The following MVB12A variants were observed in gnomAD, a reference collection of about 807,000 sequenced individuals.
MVB12A encodes multivesicular body subunit 12A.
MVB12A carries 30 observed loss-of-function variants against 34.3 expected under a neutral mutation model. The ratio of observed to expected loss-of-function variants is 0.88; its 90% CI spans 0.65 to 1.19. MVB12A has a LOEUF of 1.19. MVB12A is among the 50% of genes most tolerant of loss of function. The pLI, the probability that MVB12A is intolerant of heterozygous loss-of-function variation, is 0.00. For missense variants in MVB12A, 355 were observed against 369.2 expected, an observed-to-expected ratio of 0.96 and a Z score of 0.31; for synonymous variants, 158 against 158.9, an observed-to-expected ratio of 0.99 and a Z score of 0.04.
upstream of MVB12A, chr19:17,417,792 A>G (rs905424611): frequency 1.1e-5 from 3 of 265,266 alleles, no homozygotes; most frequent in Non-Finnish European, 8.0e-6. Flanking sequence ...TTGCCATTTC[A>G]TCAAATTTGG....
In MVB12A at chr19:17,425,185, G is replaced by A; in HGVS notation, c.*192G>A. 1 of 545,528 alleles carries A rather than the reference G, an allele frequency of 1.8e-6. No individual in the cohort carries two copies. The highest frequency in any genetic ancestry group is 3.2e-6 in the Non-Finnish European group (1 of 309,686). The allele number at this position is 545,528 out of a possible 1,614,324, so 33.8% of individuals were successfully genotyped here. On this transcript the variant is annotated 3_prime_UTR_variant, in exon 9 of 9. Coordinates refer to ENST00000317040, the MANE Select transcript of MVB12A (RefSeq NM_138401.4). ...AGGAGGGGGCGGGTCGAGGCTGCGT[G>A]GTGATGGGGTCTCCGCCCCCACGCC... is the stretch of plus-strand genomic sequence containing the variant.
rs768121736 is a variant in MVB12A, at chr19:17,425,042, GCCTGGGGCCACCCCCCCTCACTGCAT to G, written c.*65_*90del. 1.9e-4 allele frequency: 198 copies of G among 1,027,404 alleles called. No homozygotes were observed. The highest frequency in any genetic ancestry group is 1.9e-4 in the South Asian group (13 of 68,718). The allele number at this position is 1,027,404 out of a possible 1,614,324, so 63.6% of individuals were successfully genotyped here. The stretch of plus-strand genomic sequence containing the variant: ...GCCCCCTTACTCCACCTCCCCGCCA[GCCTGGGGCCACCCCCCCTCACTGCAT>G]CCTGGGGCCACCCCCACTCACTGCA... On this transcript the variant is annotated 3_prime_UTR_variant, in exon 9 of 9. Coordinates refer to ENST00000317040, the MANE Select transcript of MVB12A (RefSeq NM_138401.4).
At chr19:17,417,213 CTTTTTTTTTTTTT>C, upstream of MVB12A, 38 of 93,512 alleles carry the variant, frequency 4.1e-4, no homozygotes, top group South Asian at 1.6e-3. Context: ...TCACCCAGAG[CTTTTTTTTTTTTT>C]TTTTTTTTTT....
intron 2 of MVB12A, among the ~76,000 whole-genome samples, chr19:17,412,205 C>T (rs1469691703): frequency 6.6e-6 from 1 of 152,212 alleles, no homozygotes; most frequent in Non-Finnish European, 1.5e-5. Context: ...CAAATTCCAT[C>T]ATGGCGAACC....
chr19:17,419,857 G>A (rs549110815), upstream of MVB12A: 2 of 304,724 alleles, frequency 6.6e-6, no homozygotes, highest in East Asian at 1.1e-4. Flanking sequence ...CATTTCCGGC[G>A]GAAGTTGCTG....
upstream of MVB12A, chr19:17,417,108 T>TA (rs549305670): frequency 1.9e-3 from 660 of 353,586 alleles, 3 homozygotes; most frequent in African/African-American, 0.013. Flanking sequence ...CCTTTCAACT[T>TA]ACAGTCAGCA....
chr19:17,421,248 G>A (rs934042572), intron 3 of MVB12A: 8 of 362,216 alleles, frequency 2.2e-5, no homozygotes, highest in Non-Finnish European at 4.3e-5. Context: ...GCAATGGCGC[G>A]ATCTCAGCTC....
intron 2 of MVB12A, chr19:17,414,483 T>C (rs1413847078): frequency 6.6e-6 from 1 of 152,282 alleles, no homozygotes; most frequent in Non-Finnish European, 1.5e-5. Flanking sequence ...CTTAACCCAC[T>C]GCAGATATTT....
At chr19:17,409,000 T>A (rs2074746712) in intron 2 of MVB12A, among the ~76,000 whole-genome samples, 1 of 149,632 alleles carries the variant, frequency 6.7e-6, no homozygotes, top group African/African-American at 2.5e-5. Context: ...GGCTACTTTT[T>A]GCATTTTTAG....
At chr19:17,420,015 G>GCTGGGGCCC, upstream of MVB12A, 4 of 221,198 alleles carry the variant, frequency 1.8e-5, no homozygotes, top group East Asian at 8.1e-5. Flanking sequence ...GGCAATCTCC[G>GCTGGGGCCC]CCCCCCCCCC....
At chr19:17,417,860 C>A, upstream of MVB12A, 1 of 323,544 alleles carries the variant, frequency 3.1e-6, no homozygotes, top group Non-Finnish European at 6.2e-6. Flanking sequence ...GAAAATTCTG[C>A]AAAATTGACA....
intron 2 of MVB12A, among the ~76,000 whole-genome samples, chr19:17,410,496 T>TTATATATGTGTGTATATATATATA (rs1568387298): frequency 1.3e-4 from 4 of 31,512 alleles, no homozygotes; most frequent in Non-Finnish European, 2.3e-4. Context: ...GGTTTTAGCT[T>TTATATATGTGTGTATATATATATA]CATATATATA....
chr19:17,423,191 TAA>T (rs895549170), intron 4 of MVB12A, among the ~76,000 whole-genome samples: 2,268 of 106,602 alleles, frequency 0.021, 84 homozygotes, highest in African/African-American at 0.077. Context: ...CGTTTCTACT[TAA>T]AAAAAAAAAA....
At chr19:17,420,823 G>T in intron 3 of MVB12A, 189 bp downstream of exon 3, 1 of 643,324 alleles carries the variant, frequency 1.6e-6, no homozygotes, top group South Asian at 1.8e-5. Context: ...TTCAAAATGT[G>T]TGATATGATT....
In MVB12A at chr19:17,425,252, A is replaced by C; in HGVS notation, c.*259A>C. On this transcript the variant is annotated 3_prime_UTR_variant, in exon 9 of 9. Coordinates refer to ENST00000317040, the MANE Select transcript of MVB12A (RefSeq NM_138401.4). ...GAGCTGGACAGAAGCCAGTGCCTTT[A>C]AGTCATTTGTGTCAAAACCCTCTGG... 2 of 476,278 alleles carry C rather than the reference A, an allele frequency of 4.2e-6. No homozygotes were observed. The highest frequency in any genetic ancestry group is 3.7e-6 in the Non-Finnish European group (1 of 269,828). The allele number at this position is 476,278 out of a possible 1,614,324, so 29.5% of individuals were successfully genotyped here. A position where few individuals can be genotyped will look rare whatever the true frequency, so the allele number is the denominator to read the frequency against.
chr19:17,411,172 T>C (rs1282286018), intron 2 of MVB12A, among the ~76,000 whole-genome samples: 1 of 151,544 alleles, frequency 6.6e-6, no homozygotes, highest in South Asian at 2.1e-4. Context: ...TTCACCATGT[T>C]GGCCAGGATG....
At chr19:17,415,428 T>G (rs2074793265), upstream of MVB12A, 1 of 152,198 alleles carries the variant, frequency 6.6e-6, no homozygotes, top group Non-Finnish European at 1.5e-5. Flanking sequence ...CATAACAACA[T>G]AAAGCCTTGA....
At chr19:17,407,782 G>A (rs2074738710) in intron 2 of MVB12A, among the ~76,000 whole-genome samples, 1 of 152,208 alleles carries the variant, frequency 6.6e-6, no homozygotes, top group Admixed American at 6.5e-5. Flanking sequence ...AGGTGGAGGA[G>A]CAGAGTCTTC....
chr19:17,420,284 T>G (rs1460182198), intron 1 of MVB12A, 29 bp from the exon 2 acceptor site: 8 of 1,553,140 alleles, frequency 5.2e-6, no homozygotes, highest in East Asian at 2.4e-5. Flanking sequence ...GGGGTGGGAG[T>G]CCGGCGCTGA....
Sources: allele counts gnomAD v4.1 joint callset (sites outside exome capture counted in the v4.1 genomes callset), GRCh38; gene constraint gnomAD v4.1.1; transcripts MANE v1.5; gene names NCBI Gene and HGNC (gene_info 2026-07-23, HGNC 2026-07-21).